GRM8: variants seen among roughly 807,000 people sequenced by gnomAD.
GRM8 encodes glutamate metabotropic receptor 8, also known as metabotropic glutamate receptor 8.
A neutral mutation model predicts 87.2 loss-of-function variants in GRM8; 47 were observed. The ratio of observed to expected loss-of-function variants is 0.54; its 90% confidence interval spans 0.43 to 0.69. GRM8 has a LOEUF of 0.69. Among genes scored for constraint, GRM8 ranks in the 30% least tolerant of loss-of-function variants. The pLI is 0.00. For synonymous variants in GRM8, 396 were observed against 404.5 expected, an observed-to-expected ratio of 0.98 and a Z score of 0.25; for missense variants, 1,019 against 1,139.2, an observed-to-expected ratio of 0.89 and a Z score of 1.52.
intron 3 of GRM8, among the ~76,000 whole-genome samples, chr7:126,973,253 A>T (rs1810615618): frequency 6.6e-6 from 1 of 152,202 alleles, no homozygotes; most frequent in Non-Finnish European, 1.5e-5. Context: ...GAGGATGCTG[A>T]TGCTGCTGGT....
chr7:126,781,647 C>A (rs1452991851), intron 6 of GRM8, among the ~76,000 whole-genome samples: 1 of 152,118 alleles, frequency 6.6e-6, no homozygotes, highest in Non-Finnish European at 1.5e-5. Flanking sequence ...ACACCTTAAA[C>A]CTGTAATTAA....
rs1812622979 is a variant in GRM8, at chr7:126,991,185, C to T, written c.728-86502G>A. Among the ~76,000 whole-genome samples the T allele has an allele frequency of 2.0e-5, 3 of 152,140 alleles. 1 individual carries two copies. The stretch of plus-strand genomic sequence containing the variant: ...AACCTCACAACTTCTTGTTGCCATA[C>T]CACCCAGAAACCTGAGACATGTGAA... On this transcript the variant is annotated intron_variant, in intron 3 of 10. Transcript: ENST00000339582.
chr7:127,112,024 C>CA lies in GRM8; in HGVS notation c.511-5313dup, dbSNP rs11299403. On this transcript the variant is annotated intron_variant, in intron 2 of 10. Transcript: ENST00000339582. Reference sequence around the variant, plus strand: ...GGGCACCAAGAGCAAAACTCTGTCTCAAAAAAAAAAAACACAAAATAGATC... The same window carrying CA: ...GGGCACCAAGAGCAAAACTCTGTCTCAAAAAAAAAAAAACACAAAATAGATC... The CA allele has an allele frequency of 2.0e-3, 299 of 147,384 alleles. 1 individual carries two copies. The highest frequency in any genetic ancestry group is 6.5e-3 in the African/African-American group (262 of 40,236). The allele number at this position is 147,384 out of a possible 1,614,324, so 9.1% of individuals were successfully genotyped here. A position where few individuals can be genotyped will look rare whatever the true frequency, so the allele number is the denominator to read the frequency against.
chr7:126,821,083 C>A (rs1019288085), intron 6 of GRM8, among the ~76,000 whole-genome samples: 1 of 152,156 alleles, frequency 6.6e-6, no homozygotes, highest in Non-Finnish European at 1.5e-5. Flanking sequence ...GCCTGGGCGA[C>A]GGAGCAAGAC....
At chr7:126,798,241 A>C (rs113753740) in intron 6 of GRM8, among the ~76,000 whole-genome samples, 2 of 152,096 alleles carry the variant, frequency 1.3e-5, no homozygotes, top group African/African-American at 4.8e-5. Flanking sequence ...TTCAAAGTGT[A>C]TAACTCAGGA....
chr7:126,568,384 A>G (rs1244789684), intron 8 of GRM8, among the ~76,000 whole-genome samples: 1 of 152,198 alleles, frequency 6.6e-6, no homozygotes, highest in African/African-American at 2.4e-5. Context: ...CTATTAACAC[A>G]GGTAATTCGG....
intron 3 of GRM8, among the ~76,000 whole-genome samples, chr7:127,015,072 A>AAGGAGAAGAAGGAG (rs757484218): frequency 7.8e-4 from 81 of 103,872 alleles, no homozygotes; most frequent in Non-Finnish European, 1.3e-3. Context: ...AAGAAGAAAG[A>AAGGAGAAGAAGGAG]AAGAAGGAGA....
At chr7:126,728,639 G>A (rs193165708) in intron 7 of GRM8, among the ~76,000 whole-genome samples, 102 of 152,200 alleles carry the variant, frequency 6.7e-4, no homozygotes, top group African/African-American at 2.2e-3. Context: ...AAAAACACTC[G>A]AAGACAAGGA....
intron 7 of GRM8, among the ~76,000 whole-genome samples, chr7:126,731,899 C>CT (rs1279250465): frequency 1.3e-5 from 2 of 151,734 alleles, no homozygotes; most frequent in African/African-American, 4.8e-5. Context: ...GTATTTTCCC[C>CT]TTTTTAAATG....
chr7:127,006,308 T>C (rs1361303413), intron 3 of GRM8, among the ~76,000 whole-genome samples: 1 of 151,944 alleles, frequency 6.6e-6, no homozygotes, highest in African/African-American at 2.4e-5. Context: ...CCTCTTCAGT[T>C]TTCCTCTCTC....
chr7:127,012,932 C>A (rs898783509), intron 3 of GRM8, among the ~76,000 whole-genome samples: 2 of 152,124 alleles, frequency 1.3e-5, no homozygotes, highest in South Asian at 2.1e-4. Flanking sequence ...AGCCTTCTTG[C>A]AGCCAGAAGG....
At chr7:126,450,625 A>AT (rs34548667) in intron 9 of GRM8, among the ~76,000 whole-genome samples, 25,303 of 148,074 alleles carry the variant, frequency 0.17, 2,360 homozygotes, top group East Asian at 0.23. Context: ...ACTAGAAGTG[A>AT]TTTTTTTTTT....
At chr7:126,904,223 G>T in intron 4 of GRM8, 97 bp from the exon 5 acceptor site, 1 of 953,500 alleles carries the variant, frequency 1.0e-6, no homozygotes, top group Non-Finnish European at 1.6e-6. Flanking sequence ...TATACACTCA[G>T]TAGGTCACTG....
chr7:126,669,631 T>C (rs1447183491), intron 7 of GRM8, among the ~76,000 whole-genome samples: 1 of 152,236 alleles, frequency 6.6e-6, no homozygotes, highest in Non-Finnish European at 1.5e-5. Flanking sequence ...TGGAACTAAC[T>C]ATGCCCCTTA....
At chr7:126,788,002 T>G (rs1820805685) in intron 6 of GRM8, among the ~76,000 whole-genome samples, 1 of 152,180 alleles carries the variant, frequency 6.6e-6, no homozygotes, top group Non-Finnish European at 1.5e-5. Flanking sequence ...TCCATCTAAT[T>G]ATTTCTATTT....
chr7:126,517,015 T>C (rs1812271909), intron 9 of GRM8, among the ~76,000 whole-genome samples: 1 of 152,066 alleles, frequency 6.6e-6, no homozygotes, highest in African/African-American at 2.4e-5. Flanking sequence ...CTTAGTCATA[T>C]TACGGTCATA....
intron 9 of GRM8, among the ~76,000 whole-genome samples, chr7:126,532,648 G>C (rs1157115315): frequency 6.6e-6 from 1 of 151,744 alleles, no homozygotes; most frequent in East Asian, 1.9e-4. Context: ...GACTCAGAAA[G>C]TGATGTGAGC....
chr7:126,445,170 G>GA (rs1050424966), intron 10 of GRM8: 5 of 152,046 alleles, frequency 3.3e-5, no homozygotes, highest in South Asian at 2.1e-4. Flanking sequence ...GTTTCAAACA[G>GA]AAAAAACAAA....
chr7:126,507,144 C>A (rs559485622), intron 9 of GRM8, among the ~76,000 whole-genome samples: 1 of 152,056 alleles, frequency 6.6e-6, no homozygotes. Context: ...CTCAATGAAG[C>A]CTTCCAAATC....
Sources: allele counts gnomAD v4.1 joint callset (sites outside exome capture counted in the v4.1 genomes callset), GRCh38; gene constraint gnomAD v4.1.1; transcripts MANE v1.5; gene names NCBI Gene and HGNC (gene_info 2026-07-23, HGNC 2026-07-21).